The following SGCZ variants were observed in gnomAD, a reference collection of about 807,000 sequenced individuals.
The protein encoded by SGCZ is sarcoglycan zeta.
In SGCZ, 40 loss-of-function variants were observed where a neutral mutation model predicts 41.3. The observed-to-expected ratio is 0.97, with a 90% confidence interval of 0.75 to 1.26. The LOEUF (loss-of-function observed/expected upper bound fraction) is 1.26, where lower values mean the gene tolerates loss of function less well. Ranked by LOEUF, SGCZ falls within the 50% of genes most tolerant of loss-of-function variation. The pLI, the probability that SGCZ is intolerant of heterozygous loss-of-function variation, is 0.00. For synonymous variants in SGCZ, 206 were observed against 137.5 expected, an observed-to-expected ratio of 1.50 and a Z score of -3.49; for missense variants, 552 against 369.8, an observed-to-expected ratio of 1.49 and a Z score of -4.04.
At chr8:14,594,520 C>A (rs1470814260) in intron 1 of SGCZ, among the ~76,000 whole-genome samples, 1 of 150,102 alleles carries the variant, frequency 6.7e-6, no homozygotes, top group Non-Finnish European at 1.5e-5. Context: ...ATATAATTCC[C>A]GTGGACTATA....
chr8:15,137,304 A>G (rs1696913324), intron 1 of SGCZ, among the ~76,000 whole-genome samples: 1 of 152,224 alleles, frequency 6.6e-6, no homozygotes, highest in African/African-American at 2.4e-5. Flanking sequence ...GCAGAGCATA[A>G]ACATTTGGAA....
intron 1 of SGCZ, among the ~76,000 whole-genome samples, chr8:15,139,542 A>C (rs779289131): frequency 6.6e-6 from 1 of 152,196 alleles, no homozygotes. Context: ...ACATGGCACT[A>C]TAAGAAACCT....
intron 2 of SGCZ, among the ~76,000 whole-genome samples, chr8:14,374,044 G>C (rs1343976635): frequency 6.6e-6 from 1 of 152,190 alleles, no homozygotes; most frequent in Non-Finnish European, 1.5e-5. Flanking sequence ...TGACACATGA[G>C]AAGATGGAGA....
intron 3 of SGCZ, among the ~76,000 whole-genome samples, chr8:14,302,168 A>G (rs1002847764): frequency 3.9e-5 from 6 of 152,144 alleles, no homozygotes; most frequent in Non-Finnish European, 8.8e-5. Flanking sequence ...TTATTCAAAT[A>G]CACCTCTTAA....
In SGCZ at chr8:14,127,171, A is replaced by G. The variant is rs146965745; in HGVS notation, c.548-18936T>C. On this transcript the variant is annotated intron_variant, in intron 5 of 7. Coordinates refer to ENST00000382080, the MANE Select transcript of SGCZ (RefSeq NM_139167.4). ...GGGACTTAAAGTAAGATAAAATTAAAATAAATAAATAAATAAATGAGGCTG... is the reference window on the plus strand; with the variant it reads ...GGGACTTAAAGTAAGATAAAATTAAGATAAATAAATAAATAAATGAGGCTG... Among the ~76,000 whole-genome samples the G allele has an allele frequency of 6.0e-3, 917 of 152,226 alleles. 7 individuals are homozygous for G. Among genetic ancestry groups the G allele is most frequent in the African/African-American group, 0.021 (871 of 41,534 alleles).
chr8:14,834,520 G>T (rs1273453735), intron 1 of SGCZ, among the ~76,000 whole-genome samples: 1 of 152,110 alleles, frequency 6.6e-6, no homozygotes. Flanking sequence ...CACCTGAAAA[G>T]ATGTTACTCC....
At chr8:14,168,424 G>C (rs1002344364) in intron 4 of SGCZ, among the ~76,000 whole-genome samples, 1 of 152,118 alleles carries the variant, frequency 6.6e-6, no homozygotes, top group Non-Finnish European at 1.5e-5. Flanking sequence ...TCATGGGAGG[G>C]ACCCAGTGGG....
At chr8:14,503,372 C>G (rs1802210489) in intron 2 of SGCZ, among the ~76,000 whole-genome samples, 1 of 152,088 alleles carries the variant, frequency 6.6e-6, no homozygotes, top group African/African-American at 2.4e-5. Flanking sequence ...GTGCAGAAAC[C>G]ACCATGGCAC....
At chr8:14,237,891 G>C (rs1009714249) in intron 3 of SGCZ, among the ~76,000 whole-genome samples, 1 of 152,060 alleles carries the variant, frequency 6.6e-6, no homozygotes, top group African/African-American at 2.4e-5. Context: ...TTCATAAGTG[G>C]GTACTAACTA....
intron 1 of SGCZ, among the ~76,000 whole-genome samples, chr8:14,671,062 A>C (rs1253807588): frequency 6.6e-6 from 1 of 152,186 alleles, no homozygotes; most frequent in African/African-American, 2.4e-5. Context: ...TCCACTGCGC[A>C]TTCATTTTCC....
intron 3 of SGCZ, among the ~76,000 whole-genome samples, chr8:14,243,173 A>G (rs1798952029): frequency 1.3e-5 from 2 of 152,234 alleles, no homozygotes; most frequent in South Asian, 2.1e-4. Flanking sequence ...GAACATCACT[A>G]GTGACCTATT....
chr8:14,850,232 A>G (rs966919187), intron 1 of SGCZ, among the ~76,000 whole-genome samples: 12 of 152,212 alleles, frequency 7.9e-5, no homozygotes, highest in Admixed American at 2.0e-4. Context: ...TGTTCATTCA[A>G]TAACAATTTA....
intron 1 of SGCZ, among the ~76,000 whole-genome samples, chr8:14,620,014 G>A (rs28753176): frequency 0.14 from 21,485 of 152,158 alleles, 1,858 homozygotes; most frequent in Non-Finnish European, 0.19. Flanking sequence ...AAAGTGGGAG[G>A]CATCACACTA....
At chr8:14,567,810 C>A (rs1434566519) in intron 1 of SGCZ, among the ~76,000 whole-genome samples, 8 of 152,076 alleles carry the variant, frequency 5.3e-5, no homozygotes, top group African/African-American at 1.9e-4. Flanking sequence ...TCCAGACGCA[C>A]CACCTTAAGA....
intron 2 of SGCZ, among the ~76,000 whole-genome samples, chr8:14,546,567 G>C (rs1345705817): frequency 2.0e-5 from 3 of 151,994 alleles, no homozygotes; most frequent in Non-Finnish European, 4.4e-5. Flanking sequence ...AGTCATACTT[G>C]GCACTTACAG....
chr8:14,214,599 T>A (rs369378275), intron 4 of SGCZ, among the ~76,000 whole-genome samples: 1 of 152,116 alleles, frequency 6.6e-6, no homozygotes, highest in Non-Finnish European at 1.5e-5. Flanking sequence ...AGAATGGATT[T>A]AAAAATGGTT....
intron 1 of SGCZ, among the ~76,000 whole-genome samples, chr8:14,801,657 C>T (rs993681881): frequency 1.3e-5 from 2 of 152,156 alleles, no homozygotes; most frequent in African/African-American, 4.8e-5. Flanking sequence ...TATAGACTTG[C>T]ATTTGGAGTT....
chr8:14,602,671 T>G (rs1208442273), intron 1 of SGCZ, among the ~76,000 whole-genome samples: 1 of 152,246 alleles, frequency 6.6e-6, no homozygotes, highest in Non-Finnish European at 1.5e-5. Flanking sequence ...TTAGCTGATA[T>G]TTTCCTTTCT....
At chr8:14,770,016 T>G (rs1382340007) in intron 1 of SGCZ, among the ~76,000 whole-genome samples, 1 of 151,776 alleles carries the variant, frequency 6.6e-6, no homozygotes, top group African/African-American at 2.4e-5. Flanking sequence ...TGCTCCCTTG[T>G]GTCTTCATAA....
Sources: gnomAD v4.1 joint callset for allele counts (sites outside exome capture counted in the v4.1 genomes callset) on GRCh38, gnomAD v4.1.1 for gene constraint, MANE v1.5 for transcripts, NCBI Gene and HGNC (gene_info 2026-07-23, HGNC 2026-07-21) for gene names.